Variants in CHLSN observed in about 807,000 individuals in gnomAD.
CHLSN encodes the protein protein cholesin.
At chr7:1,092,400 C>G in the CHLSN span, 4 of 1,603,416 alleles carry the variant, frequency 2.5e-6, no homozygotes, top group Non-Finnish European at 2.5e-6. Context: ...TGGGCTTCAT[C>G]GTGCCCTTCG....
the CHLSN span, among the ~76,000 whole-genome samples, chr7:1,000,126 G>A: frequency 5.3e-5 from 8 of 152,342 alleles, no homozygotes; most frequent in Middle Eastern, 3.4e-3. Context: ...AGGAGGCAAC[G>A]CTGCTCATCT....
the CHLSN span, among the ~76,000 whole-genome samples, chr7:1,125,531 T>C: frequency 6.6e-6 from 1 of 152,264 alleles, no homozygotes; most frequent in Non-Finnish European, 1.5e-5. Context: ...TGTCACTTAC[T>C]GATAGAGCTT....
the CHLSN span, among the ~76,000 whole-genome samples, chr7:1,064,584 C>T: frequency 6.8e-4 from 104 of 152,288 alleles, 1 homozygote; most frequent in Admixed American, 4.6e-4. Flanking sequence ...ACAGGAGAAC[C>T]GAAGCTCAAA....
At chr7:1,001,218 C>T in the CHLSN span, among the ~76,000 whole-genome samples, 3 of 152,226 alleles carry the variant, frequency 2.0e-5, no homozygotes, top group Admixed American at 1.3e-4. Flanking sequence ...AGCCCAGAAG[C>T]CTCCATCAGT....
At chr7:1,014,261 C>T in the CHLSN span, among the ~76,000 whole-genome samples, 4 of 152,228 alleles carry the variant, frequency 2.6e-5, no homozygotes, top group African/African-American at 9.7e-5. Flanking sequence ...GAGATTCTTA[C>T]AGAGAAGCTG....
At chr7:1,015,496 G>A in the CHLSN span, among the ~76,000 whole-genome samples, 1 of 152,378 alleles carries the variant, frequency 6.6e-6, no homozygotes, top group South Asian at 2.1e-4. Context: ...TCAGGGTTTA[G>A]AAAAAGTCAT....
At chr7:978,973 C>T in the CHLSN span, among the ~76,000 whole-genome samples, 35 of 152,254 alleles carry the variant, frequency 2.3e-4, no homozygotes, top group African/African-American at 7.2e-4. Flanking sequence ...GCCACGGTTC[C>T]GTGGGCCTGG....
chr7:1,002,193 G>A, the CHLSN span, among the ~76,000 whole-genome samples: 5 of 128,020 alleles, frequency 3.9e-5, no homozygotes, highest in South Asian at 2.9e-4. Flanking sequence ...TCCTGTGGGT[G>A]GGGAGTCCTG....
At chr7:1,021,148 A>G in the CHLSN span, among the ~76,000 whole-genome samples, 2 of 151,344 alleles carry the variant, frequency 1.3e-5, no homozygotes, top group Admixed American at 6.6e-5. Context: ...ACATTCCAGT[A>G]GGGACCTTCT....
the CHLSN span, among the ~76,000 whole-genome samples, chr7:1,096,578 G>C: frequency 5.3e-5 from 8 of 152,214 alleles, no homozygotes; most frequent in Non-Finnish European, 1.2e-4. This position sits in a 1 kb window ranked among gnomAD's most constrained non-coding sequence, Gnocchi z 4.6. Flanking sequence ...CAGGCCCACG[G>C]TGAGATAAAA....
At chr7:1,064,863 G>A in the CHLSN span, among the ~76,000 whole-genome samples, 3 of 152,336 alleles carry the variant, frequency 2.0e-5, no homozygotes, top group African/African-American at 2.4e-5. Context: ...CACTCAGGGC[G>A]CACAGAAGGC....
At chr7:979,690 T>C in the CHLSN span, among the ~76,000 whole-genome samples, 11 of 151,246 alleles carry the variant, frequency 7.3e-5, no homozygotes, top group African/African-American at 2.7e-4. Flanking sequence ...AGGCGGAGGT[T>C]GCAGTGAACT....
At chr7:984,577 C>T in the CHLSN span, 19 of 1,559,816 alleles carry the variant, frequency 1.2e-5, no homozygotes, top group Admixed American at 1.9e-5. Flanking sequence ...AGGTGGAGGT[C>T]GGTGTGTGGC....
the CHLSN span, among the ~76,000 whole-genome samples, chr7:980,710 T>C: frequency 1.5e-5 from 2 of 134,416 alleles, no homozygotes; most frequent in African/African-American, 2.9e-5. Context: ...TTTTTTGAGA[T>C]GGAGTCTCAC....
the CHLSN span, among the ~76,000 whole-genome samples, chr7:1,055,636 T>C: frequency 4.0e-5 from 6 of 151,782 alleles, no homozygotes; most frequent in Non-Finnish European, 5.9e-5. Context: ...CATCTCTAAG[T>C]AGGGAATGAA....
the CHLSN span, among the ~76,000 whole-genome samples, chr7:1,069,378 C>T: frequency 3.2e-5 from 4 of 125,786 alleles, no homozygotes; most frequent in African/African-American, 1.0e-4. Flanking sequence ...TCTCCCCTCT[C>T]CCCTCTCCCC....
the CHLSN span, among the ~76,000 whole-genome samples, chr7:1,047,182 G>A: frequency 6.6e-6 from 1 of 152,184 alleles, no homozygotes; most frequent in Non-Finnish European, 1.5e-5. Context: ...GGGAACTGGC[G>A]CCCATAGCTG....
the CHLSN span, chr7:1,093,705 C>T: frequency 6.4e-6 from 3 of 468,062 alleles, no homozygotes. Context: ...GAAATAACAG[C>T]TGGGGACAAC....
At chr7:1,027,007 C>G in the CHLSN span, 4 of 152,210 alleles carry the variant, frequency 2.6e-5, no homozygotes, top group Non-Finnish European at 4.4e-5. Context: ...CCCGGAGACA[C>G]AGCACCCGCC....
Sources: gnomAD v4.1 joint callset for allele counts (sites outside exome capture counted in the v4.1 genomes callset) on GRCh38, gnomAD v4.1.1 for gene constraint, Gnocchi (gnomAD v3.1) non-coding constraint, MANE v1.5 for transcripts, NCBI Gene and HGNC (gene_info 2026-07-23, HGNC 2026-07-21) for gene names.